The following PRRX1 variants were observed in gnomAD, a reference collection of about 807,000 sequenced individuals.
The protein encoded by PRRX1 is paired mesoderm homeobox protein 1.
A neutral mutation model predicts 24.0 loss-of-function variants in PRRX1; 8 were observed. The ratio of observed to expected loss-of-function variants is 0.33; its 90% CI spans 0.20 to 0.60. PRRX1 has a LOEUF of 0.60. PRRX1 is among the 20% of genes least tolerant of loss of function. The pLI is 0.82. For synonymous variants in PRRX1, 160 were observed against 131.7 expected (o/e 1.22, Z -1.47); for missense variants, 281 against 322.4 (o/e 0.87, Z 0.98).
chr1:170,695,551 G>A (rs1042901795), intron 1 of PRRX1, among the ~76,000 whole-genome samples: 1 of 152,180 alleles, frequency 6.6e-6, no homozygotes, highest in Admixed American at 6.6e-5. Context: ...CTCAGTCACA[G>A]TTGAATAGAA....
At position 170,692,713 on chromosome 1, in the gene PRRX1, CCTCTCT is replaced by C. The variant is rs375918496; in HGVS notation, c.242-26989_242-26984del. ...GAAACCCCTTAACGAACTAACAAAT[CCTCTCT>C]CTCTCTCTCTCTCTCTCTCTCTCAC... On this transcript the variant is annotated intron_variant, in intron 1 of 3. Transcript: ENST00000239461. 9.0e-3 allele frequency among the ~76,000 whole-genome samples: 1,252 copies of C among 139,012 alleles called. 19 individuals carry two copies. The highest frequency in any genetic ancestry group is 0.031 in the African/African-American group (1,148 of 36,486). 91.2% of individuals were successfully genotyped at this position (139,012 alleles called of 152,430 possible). A position where few individuals can be genotyped will look rare whatever the true frequency, so the allele number is the denominator to read the frequency against.
intron 1 of PRRX1, among the ~76,000 whole-genome samples, chr1:170,708,891 A>G (rs1654656379): frequency 6.6e-6 from 1 of 152,178 alleles, no homozygotes; most frequent in Non-Finnish European, 1.5e-5. Context: ...TCAAGACCTT[A>G]TTACAGAAAC....
intron 1 of PRRX1, among the ~76,000 whole-genome samples, chr1:170,667,053 C>G (rs1304699509): frequency 6.6e-6 from 1 of 151,998 alleles, no homozygotes; most frequent in African/African-American, 2.4e-5. Flanking sequence ...CTGTATGTCC[C>G]GGGAGAAGGG....
intron 1 of PRRX1, among the ~76,000 whole-genome samples, chr1:170,675,139 A>C (rs1373534907): frequency 2.0e-5 from 3 of 152,238 alleles, no homozygotes. Flanking sequence ...CTGTGGCATC[A>C]GTTAATTCCC....
At chr1:170,675,395 A>G (rs978013252) in intron 1 of PRRX1, among the ~76,000 whole-genome samples, 1 of 152,198 alleles carries the variant, frequency 6.6e-6, no homozygotes, top group Non-Finnish European at 1.5e-5. Flanking sequence ...TTAGTCGGGG[A>G]AAAATTTTGT....
At chr1:170,672,065 A>C (rs1653162129) in intron 1 of PRRX1, among the ~76,000 whole-genome samples, 1 of 152,152 alleles carries the variant, frequency 6.6e-6, no homozygotes, top group East Asian at 1.9e-4. Flanking sequence ...TTTCCTCCTC[A>C]CGAAAGAACA....
intron 1 of PRRX1, among the ~76,000 whole-genome samples, chr1:170,687,768 T>C (rs191522842): frequency 6.6e-6 from 1 of 152,320 alleles, no homozygotes; most frequent in African/African-American, 2.4e-5. Flanking sequence ...CCATAAAAAC[T>C]GTGTGGATAT....
chr1:170,713,584 A>G (rs974232145), intron 1 of PRRX1, among the ~76,000 whole-genome samples: 1 of 151,880 alleles, frequency 6.6e-6, no homozygotes, highest in Non-Finnish European at 1.5e-5. Flanking sequence ...AGGGTTGGCT[A>G]TATTGAGAAA....
chr1:170,726,197 C>T lies in PRRX1; in HGVS notation c.418-23C>T, dbSNP rs779865222. 3 of 1,607,656 alleles carry T rather than the reference C, an allele frequency of 1.9e-6. No individual in the cohort carries two copies. In the South Asian group the frequency reaches 3.3e-5, roughly 18 times the overall value. ...TTTTTCCTCTCTTTCCTTATGCCTT[C>T]TTGCCTCCTAACAATCCTCCAGGTG... On this transcript the variant is annotated intron_variant, in intron 2 of 3. Coordinates refer to ENST00000239461, the MANE Select transcript of PRRX1 (RefSeq NM_022716.4).
At chr1:170,672,076 A>G (rs1047719548) in intron 1 of PRRX1, among the ~76,000 whole-genome samples, 3 of 152,128 alleles carry the variant, frequency 2.0e-5, no homozygotes, top group Admixed American at 6.5e-5. Context: ...CGAAAGAACA[A>G]TAACTGCCCC....
chr1:170,679,910 C>G (rs1366169962), intron 1 of PRRX1, among the ~76,000 whole-genome samples: 15 of 152,152 alleles, frequency 9.9e-5, no homozygotes, highest in Non-Finnish European at 2.9e-5. Context: ...GTTGATAAAG[C>G]ACAATATTTC....
chr1:170,670,189 T>A (rs1311008984), intron 1 of PRRX1, among the ~76,000 whole-genome samples: 1 of 152,228 alleles, frequency 6.6e-6, no homozygotes, highest in African/African-American at 2.4e-5. Context: ...ATTCTGTATT[T>A]TACTTTGATG....
At chr1:170,726,961 T>C (rs1655276352) in intron 3 of PRRX1, 1 of 152,684 alleles carries the variant, frequency 6.5e-6, no homozygotes, top group African/African-American at 2.4e-5. Flanking sequence ...AAGTTCATTC[T>C]GATCACTTTC....
At chr1:170,718,105 A>G (rs1341850618) in intron 1 of PRRX1, among the ~76,000 whole-genome samples, 1 of 152,208 alleles carries the variant, frequency 6.6e-6, no homozygotes, top group East Asian at 1.9e-4. Context: ...GGCTGGAGGA[A>G]TCTGGTTGAG....
chr1:170,666,321 G>A (rs1652926743), intron 1 of PRRX1, among the ~76,000 whole-genome samples: 1 of 148,908 alleles, frequency 6.7e-6, no homozygotes, highest in African/African-American at 2.5e-5. Context: ...AGCAGGCTGA[G>A]GCAGGAGAAT....
chr1:170,693,975 A>G (rs1472911373), intron 1 of PRRX1, among the ~76,000 whole-genome samples: 1 of 152,004 alleles, frequency 6.6e-6, no homozygotes, highest in Non-Finnish European at 1.5e-5. Flanking sequence ...TGTTTTCACC[A>G]CACAGAGATT....
In PRRX1 at chr1:170,691,898, G is replaced by T. The variant is rs140561239; in HGVS notation, c.241+27439G>T. Among the ~76,000 whole-genome samples the T allele has an allele frequency of 1.1e-3, 160 of 152,172 alleles. 4 individuals carry two copies. In the East Asian group the frequency reaches 0.018, roughly 17 times the overall value. ...GCACTATGGGGCCTTCTGTTAGGGT[G>T]AGGGGAAGCAGTGTTCTCTAAGCCT... On this transcript the variant is annotated intron_variant, in intron 1 of 3. Coordinates refer to ENST00000239461, the MANE Select transcript of PRRX1 (RefSeq NM_022716.4).
At chr1:170,692,933 C>G (rs573474015) in intron 1 of PRRX1, among the ~76,000 whole-genome samples, 5 of 152,244 alleles carry the variant, frequency 3.3e-5, no homozygotes, top group African/African-American at 1.2e-4. Flanking sequence ...CAAATTTTGA[C>G]AGCCTTATTG....
At chr1:170,679,034 A>G (rs1023265457) in intron 1 of PRRX1, among the ~76,000 whole-genome samples, 1 of 152,174 alleles carries the variant, frequency 6.6e-6, no homozygotes, top group Non-Finnish European at 1.5e-5. Flanking sequence ...CTCCCATAGC[A>G]ATTGGTATTG....
Sources: allele counts gnomAD v4.1 joint callset (sites outside exome capture counted in the v4.1 genomes callset), GRCh38; gene constraint gnomAD v4.1.1; transcripts MANE v1.5; gene names NCBI Gene and HGNC (gene_info 2026-07-23, HGNC 2026-07-21).